The following ABCC12 variants were observed in gnomAD, a reference collection of about 807,000 sequenced individuals.
The protein encoded by ABCC12 is ATP-binding cassette sub-family C member 12.
ABCC12 carries 142 observed loss-of-function variants against 151.1 expected under a neutral mutation model. The observed-to-expected ratio is 0.94, with a 90% CI of 0.82 to 1.08. ABCC12 has a LOEUF of 1.08. Ranked by LOEUF, ABCC12 falls within the 50% of genes least tolerant of loss-of-function variation. ABCC12 has a pLI of 0.00. For missense variants in ABCC12, 1,638 were observed against 1,691.1 expected (o/e 0.97, Z 0.55); for synonymous variants, 645 against 646.4 (o/e 1.00, Z 0.03).
chr16:48,083,577 T>C lies in ABCC12; in HGVS notation c.*138A>G. The C allele has an allele frequency of 1.1e-6, 1 of 902,482 alleles. No homozygotes were observed. 55.9% of individuals were successfully genotyped at this position (902,482 alleles called of 1,614,324 possible). ...GACTGAGTATGGCAGTGGGGACAACTTCAGCCCCAGCTCACTCCGTGGATG... is the reference window on the plus strand; with the variant it reads ...GACTGAGTATGGCAGTGGGGACAACCTCAGCCCCAGCTCACTCCGTGGATG... On this transcript the variant is annotated 3_prime_UTR_variant, in exon 31 of 31. Transcript: ENST00000311303.
chr16:48,090,676 C>T (rs1200416682), intron 25 of ABCC12, among the ~76,000 whole-genome samples: 2 of 152,132 alleles, frequency 1.3e-5, no homozygotes, highest in African/African-American at 4.8e-5. Context: ...ATTGTAAATA[C>T]AGGTTTTAAG....
chr16:48,124,415 C>T, intron 11 of ABCC12, 131 bp from the exon 12 acceptor site: 1 of 831,244 alleles, frequency 1.2e-6, no homozygotes, highest in Non-Finnish European at 2.0e-6. Context: ...GGCTCTGGGG[C>T]ATGGCAGCTG....
chr16:48,098,729 T>C (rs1963198746), intron 23 of ABCC12, among the ~76,000 whole-genome samples: 1 of 152,240 alleles, frequency 6.6e-6, no homozygotes, highest in Non-Finnish European at 1.5e-5. Flanking sequence ...TTTTTTAAGC[T>C]GTAGCATTTT....
chr16:48,151,242 A>C (rs1022665385), intron 2 of ABCC12, among the ~76,000 whole-genome samples: 9 of 152,180 alleles, frequency 5.9e-5, no homozygotes, highest in Non-Finnish European at 2.9e-5. Context: ...TCCTCCGCCC[A>C]AAACCTCATA....
At chr16:48,090,836 G>A (rs1034801565) in intron 25 of ABCC12, among the ~76,000 whole-genome samples, 1 of 151,974 alleles carries the variant, frequency 6.6e-6, no homozygotes, top group African/African-American at 2.4e-5. Flanking sequence ...CTAGTCTCCC[G>A]AGTAGCTGGG....
chr16:48,111,481 C>T lies in ABCC12; in HGVS notation c.2236G>A (p.Glu746Lys). The T allele has an allele frequency of 6.2e-7, 1 of 1,614,156 alleles. No individual in the cohort carries two copies. The highest frequency in any genetic ancestry group is 8.5e-7 in the Non-Finnish European group (1 of 1,180,022). The change falls in exon 18 of 31, where the codon GAA becomes AAA. Residue 746 changes from glutamate (E) to lysine (K), a missense_variant. Coordinates refer to ENST00000311303, the MANE Select transcript of ABCC12 (RefSeq NM_001393797.1). ...IVLAPGNEKD[E>K]GKESETGSEF... is the part of the protein sequence containing the mutation. ...GAGCCTGTTTCAGATTCTTTTCCTT[C>T]ATCTTTCTCATTTCCTGGAGCCAAA...
rs1432474913 is a variant in ABCC12, at chr16:48,081,351, G to A, written c.*2364C>T. 2.0e-5 allele frequency among the ~76,000 whole-genome samples: 3 copies of A among 152,246 alleles called. No individual in the cohort carries two copies. Among genetic ancestry groups the A allele is most frequent in the East Asian group, 3.9e-4 (2 of 5,178 alleles). On this transcript the variant is annotated 3_prime_UTR_variant, in exon 31 of 31. Coordinates refer to ENST00000311303, the MANE Select transcript of ABCC12 (RefSeq NM_001393797.1). ...GGGTGGGAGAGGGGTTTGCTAAGAT[G>A]GTTTCGTGTCTTATACATGCAAACA...
At chr16:48,152,150 A>G (rs1181390963) in intron 2 of ABCC12, among the ~76,000 whole-genome samples, 1 of 152,232 alleles carries the variant, frequency 6.6e-6, no homozygotes, top group Non-Finnish European at 1.5e-5. Context: ...AAAGCCCTTC[A>G]GAATTTTCTG....
At chr16:48,091,256 C>G (rs538332591) in intron 24 of ABCC12, 47 bp from the exon 25 acceptor site, 5 of 1,561,280 alleles carry the variant, frequency 3.2e-6, no homozygotes, top group Non-Finnish European at 1.8e-6. Flanking sequence ...CTTCCTCCTT[C>G]GGGTTCTGCA....
rs60315991 is a variant in ABCC12 at position 48,146,349 on chromosome 16, C to T, written c.76G>A (p.Asp26Asn). 2.0e-3 allele frequency: 3,224 copies of T among 1,614,174 alleles called. 55 individuals carry two copies. In the African/African-American group the frequency reaches 0.036, roughly 18 times the overall value. Residue 26 changes from aspartate to asparagine, a missense_variant, in exon 3 of 31, where the codon GAC becomes AAC. By Grantham distance (23) the Asp-to-Asn change is conservative (BLOSUM62 1). Coordinates refer to ENST00000311303, the MANE Select transcript of ABCC12 (RefSeq NM_001393797.1). ...GRRRSFAERY[D>N]PSLKTMIPVR... ...GGGATCATGGTCTTCAGGCTGGGGT[C>T]ATATCTTTCTGCAAAGGATCTCCGC...
At chr16:48,121,867 C>T (rs775741485) in intron 12 of ABCC12, 27 bp from the exon 13 acceptor site, 1 of 1,613,508 alleles carries the variant, frequency 6.2e-7, no homozygotes, top group African/African-American at 1.3e-5. Flanking sequence ...GGAGAAGCTT[C>T]AGGAGCCAAG....
intron 23 of ABCC12, among the ~76,000 whole-genome samples, chr16:48,099,462 C>A (rs1963226953): frequency 1.3e-5 from 2 of 152,148 alleles, no homozygotes; most frequent in Non-Finnish European, 2.9e-5. Flanking sequence ...TCGATGCACC[C>A]TTTAGAACTG....
intron 20 of ABCC12, among the ~76,000 whole-genome samples, chr16:48,106,597 C>T (rs1181652686): frequency 6.6e-6 from 1 of 152,186 alleles, no homozygotes; most frequent in East Asian, 1.9e-4. Flanking sequence ...CAGAGCAGGC[C>T]ACCCAGCAGC....
At chr16:48,084,158 G>A in intron 29 of ABCC12, 85 bp from the exon 30 acceptor site, 1 of 1,383,774 alleles carries the variant, frequency 7.2e-7, no homozygotes, top group South Asian at 1.4e-5. Context: ...AAAAAAAGAA[G>A]AAGAAGAAAA....
intron 8 of ABCC12, 76 bp from the exon 9 acceptor site, chr16:48,133,911 A>G: frequency 1.3e-6 from 2 of 1,549,130 alleles, no homozygotes; most frequent in Non-Finnish European, 1.8e-6. Flanking sequence ...TATTAGCCCT[A>G]CTTGGTCCTC....
In ABCC12 at chr16:48,088,713, G is replaced by C; in HGVS notation, c.3307C>G (p.His1103Asp). Reference sequence around the variant, plus strand: ...GGACAGGTCCCCACTTTGAGGGGATGAGTGCATTCAGGAACACAGGTCTGT... The same window carrying C: ...GGACAGGTCCCCACTTTGAGGGGATCAGTGCATTCAGGAACACAGGTCTGT... Reference protein sequence around the residue: ...YISTCVPECTHPLKVGTCPKD... With the variant: ...YISTCVPECTDPLKVGTCPKD... The change falls in exon 26 of 31, where the codon CAT (histidine) becomes GAT (aspartate). Residue 1103 changes from histidine (H) to aspartate (D), a missense_variant. Physicochemically the swap from His to Asp is moderately conservative, Grantham distance 81. Coordinates refer to ENST00000311303, the MANE Select transcript of ABCC12 (RefSeq NM_001393797.1). 6.2e-7 allele frequency: 1 copy of C among 1,613,784 alleles called. No homozygotes were observed. Among genetic ancestry groups the C allele is most frequent in the Non-Finnish European group, 8.5e-7 (1 of 1,179,778 alleles).
intron 25 of ABCC12, 151 bp from the exon 26 acceptor site, chr16:48,088,885 T>A: frequency 1.5e-6 from 1 of 657,420 alleles, no homozygotes; most frequent in South Asian, 2.5e-5. Context: ...AAACTCACAT[T>A]CCAGTGGGGA....
intron 8 of ABCC12, among the ~76,000 whole-genome samples, chr16:48,136,102 GC>G (rs984269824): frequency 7.5e-4 from 115 of 152,322 alleles, no homozygotes; most frequent in African/African-American, 2.6e-3. Flanking sequence ...AGGTTTGCTT[GC>G]GCAGGTTTGC....
intron 15 of ABCC12, among the ~76,000 whole-genome samples, chr16:48,114,748 C>G (rs370829659): frequency 6.6e-6 from 1 of 152,162 alleles, no homozygotes; most frequent in African/African-American, 2.4e-5. Flanking sequence ...CTTGGATTCC[C>G]ATCAGGCAAT....
Sources: allele counts gnomAD v4.1 joint callset (sites outside exome capture counted in the v4.1 genomes callset), GRCh38; gene constraint gnomAD v4.1.1; transcripts MANE v1.5; gene names NCBI Gene and HGNC (gene_info 2026-07-23, HGNC 2026-07-21).